The following LNPK variants were observed in gnomAD, a reference collection of about 807,000 sequenced individuals.
LNPK encodes the protein lunapark, ER junction formation factor, also known as endoplasmic reticulum junction formation protein lunapark.
Under a neutral mutation model 55.2 loss-of-function variants are expected in LNPK, and 29 were observed. The observed-to-expected ratio is 0.53, with a 90% confidence interval of 0.39 to 0.72. The LOEUF (loss-of-function observed/expected upper bound fraction) is 0.72, where lower values mean the gene tolerates loss of function less well. Ranked by LOEUF, LNPK falls within the 30% of genes least tolerant of loss-of-function variation. The pLI, the probability that LNPK is intolerant of heterozygous loss-of-function variation, is 0.00. For synonymous variants in LNPK, 162 were observed against 168.2 expected (o/e 0.96, Z 0.29); for missense variants, 467 against 494.8 (o/e 0.94, Z 0.53).
chr2:175,996,735 G>A (rs965916071), intron 1 of LNPK, among the ~76,000 whole-genome samples: 1 of 152,128 alleles, frequency 6.6e-6, no homozygotes, highest in Non-Finnish European at 1.5e-5. Flanking sequence ...CCTGAAGCTA[G>A]TTGACCTTCA....
intron 4 of LNPK, among the ~76,000 whole-genome samples, chr2:175,983,770 A>AC (rs1270300845): frequency 1.3e-5 from 2 of 152,092 alleles, no homozygotes. Context: ...TTTTTAAAAA[A>AC]CCTTTAAACT....
At chr2:175,961,327 A>G (rs540070447) in intron 8 of LNPK, among the ~76,000 whole-genome samples, 4 of 152,336 alleles carry the variant, frequency 2.6e-5, no homozygotes, top group East Asian at 3.9e-4. Flanking sequence ...AACTGAATCC[A>G]GCAGCACATC....
intron 12 of LNPK, among the ~76,000 whole-genome samples, chr2:175,933,984 T>A (rs1214244959): frequency 1.3e-5 from 2 of 152,146 alleles, no homozygotes; most frequent in Non-Finnish European, 2.9e-5. Flanking sequence ...CGCCTTGGCC[T>A]CCCAAAGTGC....
At chr2:175,993,906 A>G (rs537979476) in intron 2 of LNPK, among the ~76,000 whole-genome samples, 69 of 152,316 alleles carry the variant, frequency 4.5e-4, no homozygotes, top group Middle Eastern at 6.8e-3. Context: ...ATTACAGACT[A>G]AAAATGGTCT....
At chr2:175,988,037 A>T (rs1401558201) in intron 4 of LNPK, among the ~76,000 whole-genome samples, 1 of 152,240 alleles carries the variant, frequency 6.6e-6, no homozygotes, top group African/African-American at 2.4e-5. Flanking sequence ...TTGGGTAAAG[A>T]ATTAACATTC....
At chr2:175,972,181 G>C (rs914512056) in intron 5 of LNPK, among the ~76,000 whole-genome samples, 3 of 152,096 alleles carry the variant, frequency 2.0e-5, no homozygotes, top group African/African-American at 7.2e-5. Flanking sequence ...CTCCCAAAGT[G>C]CTAGATTACA....
chr2:175,934,334 TA>T (rs1184175496), intron 12 of LNPK, among the ~76,000 whole-genome samples: 1 of 152,126 alleles, frequency 6.6e-6, no homozygotes, highest in Non-Finnish European at 1.5e-5. Context: ...GTATTTTGCA[TA>T]AAAGAAAGAG....
At position 175,929,977 on chromosome 2, in the gene LNPK, G is replaced by A. The variant is rs148944808; in HGVS notation, c.1277C>T (p.Thr426Met). Reference sequence around the variant, plus strand: ...ACGTGGAAGCATTTACTACTCTGCCGTCAAAGATTCTCCACTTAGTTCAGG... The same window carrying A: ...ACGTGGAAGCATTTACTACTCTGCCATCAAAGATTCTCCACTTAGTTCAGG... ...PDPELSGESL[T>M]AE is the part of the protein sequence containing the mutation. Residue 426 changes from threonine (T) to methionine (M), a missense_variant, in exon 13 of 13, where the codon ACG becomes ATG. Physicochemically the swap from Thr to Met is moderately conservative, Grantham distance 81. Transcript: ENST00000272748. 57 of 1,613,894 alleles carry A rather than the reference G, an allele frequency of 3.5e-5. No homozygotes were observed. Among genetic ancestry groups the A allele is most frequent in the South Asian group, 1.9e-4 (17 of 91,058 alleles).
Position 175,929,832 on chromosome 2 carries a change from T to C in LNPK, c.*135A>G, listed in dbSNP as rs370652941. On this transcript the variant is annotated 3_prime_UTR_variant, in exon 13 of 13. Transcript: ENST00000272748. ...TATATATAACTTTGAGATGTTCAAA[T>C]AGCTAGGCAATCTGAATTCAAATGA... 244 of 1,464,236 alleles carry C rather than the reference T, an allele frequency of 1.7e-4. No homozygotes were observed. The East Asian group carries it at 5.8e-3, about 35-fold the overall frequency. 90.7% of individuals were successfully genotyped at this position (1,464,236 alleles called of 1,614,324 possible). A position where few individuals can be genotyped will look rare whatever the true frequency, so the allele number is the denominator to read the frequency against.
chr2:175,963,189 G>A (rs1686143661), intron 8 of LNPK, among the ~76,000 whole-genome samples: 1 of 151,126 alleles, frequency 6.6e-6, no homozygotes, highest in African/African-American at 2.4e-5. Context: ...ATTTGACCCA[G>A]CCATCCCATT....
chr2:175,990,131 G>C (rs1260314884), intron 4 of LNPK, among the ~76,000 whole-genome samples: 1 of 152,162 alleles, frequency 6.6e-6, no homozygotes, highest in East Asian at 1.9e-4. Flanking sequence ...GCTATAATTT[G>C]GATATTTGAC....
intron 8 of LNPK, among the ~76,000 whole-genome samples, chr2:175,962,385 T>C (rs914509554): frequency 1.3e-5 from 2 of 152,042 alleles, no homozygotes; most frequent in African/African-American, 4.8e-5. Context: ...AACAGAGGCC[T>C]CAGAAATAAC....
chr2:175,939,481 C>T lies in LNPK; in HGVS notation c.812+71G>A, dbSNP rs553017207. The T allele has an allele frequency of 2.4e-5, 18 of 759,254 alleles. No homozygotes were observed. The South Asian group carries it at 4.1e-4, about 17-fold the overall frequency. The allele number at this position is 759,254 out of a possible 1,614,324, so 47.0% of individuals were successfully genotyped here. ...GAAAATAGGTGCCACAAAACTAAAACATCTAGTGTGTACACACACACACAC... is the reference window on the plus strand; with the variant it reads ...GAAAATAGGTGCCACAAAACTAAAATATCTAGTGTGTACACACACACACAC... On this transcript the variant is annotated intron_variant, in intron 10 of 12. Coordinates refer to ENST00000272748, the MANE Select transcript of LNPK (RefSeq NM_030650.3).
intron 1 of LNPK, among the ~76,000 whole-genome samples, chr2:175,998,444 C>CAAAAA (rs761894057): frequency 2.4e-5 from 2 of 82,842 alleles, no homozygotes; most frequent in Non-Finnish European, 2.3e-5. Flanking sequence ...CTCCGTCTCA[C>CAAAAA]AAAAAAAAAA....
intron 1 of LNPK, among the ~76,000 whole-genome samples, chr2:175,999,575 C>T (rs528967794): frequency 3.9e-5 from 6 of 152,274 alleles, no homozygotes; most frequent in Admixed American, 1.3e-4. Context: ...ACATGGGAAC[C>T]GAATAACCTT....
intron 2 of LNPK, chr2:175,994,002 T>G (rs1296877308): frequency 5.4e-6 from 1 of 183,554 alleles, no homozygotes; most frequent in African/African-American, 2.4e-5. Context: ...AAGTACTTTT[T>G]GCAGATCAGA....
rs1021121559 is a variant in LNPK, at chr2:175,967,576, T to C, written c.358-2987A>G. On this transcript the variant is annotated intron_variant, in intron 6 of 12. Transcript: ENST00000272748. ...AGAAAACTTTCTTTCATTTCTTTCA[T>C]TTTGCATTAACTTTGCAATTCAGAG... 39 of 896,334 alleles carry C rather than the reference T, an allele frequency of 4.4e-5. No homozygotes were observed. The African/African-American group carries it at 7.0e-4, about 16-fold the overall frequency. 55.5% of individuals were successfully genotyped at this position (896,334 alleles called of 1,614,324 possible).
At chr2:175,972,995 C>T (rs1310662175) in intron 5 of LNPK, among the ~76,000 whole-genome samples, 1 of 152,142 alleles carries the variant, frequency 6.6e-6, no homozygotes, top group Non-Finnish European at 1.5e-5. Context: ...GCATCTGCTA[C>T]AAATTTGTGT....
chr2:175,974,347 C>G (rs1042880339), intron 5 of LNPK, among the ~76,000 whole-genome samples: 1 of 152,058 alleles, frequency 6.6e-6, no homozygotes, highest in African/African-American at 2.4e-5. Flanking sequence ...ACACATGGCA[C>G]TTAAAAAATG....
Sources: gnomAD v4.1 joint callset for allele counts (sites outside exome capture counted in the v4.1 genomes callset) on GRCh38, gnomAD v4.1.1 for gene constraint, MANE v1.5 for transcripts, NCBI Gene and HGNC (gene_info 2026-07-23, HGNC 2026-07-21) for gene names.